Variants in NPBWR1 observed in about 807,000 individuals in gnomAD.
NPBWR1 encodes neuropeptides B and W receptor 1, also known as neuropeptides B/W receptor type 1.
Under a neutral mutation model 2.8 loss-of-function variants are expected in NPBWR1, and 4 were observed. That is an observed-to-expected ratio of 1.44 (90% CI 0.71 to 3.29). The LOEUF is 3.29. Ranked by LOEUF, NPBWR1 falls within the 30% of genes most tolerant of loss-of-function variation. The pLI is 0.01. For missense variants in NPBWR1, 545 were observed against 462.5 expected (o/e 1.18, Z -1.64); for synonymous variants, 250 against 224.5 (o/e 1.11, Z -1.02).
rs775712850 is a variant in NPBWR1 at position 52,941,107 on chromosome 8, G to A, written c.*213G>A. On this transcript the variant is annotated 3_prime_UTR_variant, in exon 2 of 2. Coordinates refer to ENST00000674939, the MANE Select transcript of NPBWR1 (RefSeq NM_005285.5). ...GTGATGCGCGGCCATGCCGGGTGAG[G>A]AGAACTGAGGCTGAGATCGCCACAC... 139 of 644,408 alleles carry A rather than the reference G, an allele frequency of 2.2e-4. No individual in the cohort carries two copies. The highest frequency in any genetic ancestry group is 3.1e-4 in the Non-Finnish European group (118 of 382,814). The allele number at this position is 644,408 out of a possible 1,614,324, so 39.9% of individuals were successfully genotyped here.
At position 52,941,785 on chromosome 8, in the gene NPBWR1, A is replaced by G. The variant is rs1434393439; in HGVS notation, c.*891A>G. On this transcript the variant is annotated 3_prime_UTR_variant, in exon 2 of 2. Coordinates refer to ENST00000674939, the MANE Select transcript of NPBWR1 (RefSeq NM_005285.5). The stretch of plus-strand genomic sequence containing the variant: ...GGCGCGCGGTTCCGGCGCCCCCTGG[A>G]GGAGCCAGCGGCCGAGTGCTTAGCG... Among the ~76,000 whole-genome samples, 1 of 152,172 alleles carries G rather than the reference A, an allele frequency of 6.6e-6. No individual in the cohort carries two copies. Among genetic ancestry groups the G allele is most frequent in the Non-Finnish European group, 1.5e-5 (1 of 68,032 alleles).
Position 52,942,890 on chromosome 8 carries a change from C to A in NPBWR1, c.*1996C>A, listed in dbSNP as rs10109844. On this transcript the variant is annotated 3_prime_UTR_variant, in exon 2 of 2. Coordinates refer to ENST00000674939, the MANE Select transcript of NPBWR1 (RefSeq NM_005285.5). The stretch of plus-strand genomic sequence containing the variant: ...CAGGCCTCTCTCTGCTGGCCGGCTT[C>A]GGAGGCTTCTTGGAATTCATTTTAA... 6.6e-6 allele frequency among the ~76,000 whole-genome samples: 1 copy of A among 152,130 alleles called. No individual in the cohort carries two copies. Among genetic ancestry groups the A allele is most frequent in the Non-Finnish European group, 1.5e-5 (1 of 68,034 alleles).
Position 52,941,923 on chromosome 8 carries a change from C to T in NPBWR1, c.*1029C>T, listed in dbSNP as rs1345924616. Among the ~76,000 whole-genome samples, 4 of 152,174 alleles carry T rather than the reference C, an allele frequency of 2.6e-5. No homozygotes were observed. Among genetic ancestry groups the T allele is most frequent in the African/African-American group, 7.2e-5 (3 of 41,428 alleles). ...GGATGCCAAGCCCCACCCCCATTCC[C>T]CCAATTGGCCTCGTCTCTTGTCTTA... On this transcript the variant is annotated 3_prime_UTR_variant, in exon 2 of 2. Coordinates refer to ENST00000674939, the MANE Select transcript of NPBWR1 (RefSeq NM_005285.5).
At position 52,943,355 on chromosome 8, in the gene NPBWR1, C is replaced by A. The variant is rs535649738; in HGVS notation, c.*2461C>A. Among the ~76,000 whole-genome samples, 2 of 152,356 alleles carry A rather than the reference C, an allele frequency of 1.3e-5. No homozygotes were observed. Among genetic ancestry groups the A allele is most frequent in the Non-Finnish European group, 2.9e-5 (2 of 68,036 alleles). On this transcript the variant is annotated 3_prime_UTR_variant, in exon 2 of 2. Coordinates refer to ENST00000674939, the MANE Select transcript of NPBWR1 (RefSeq NM_005285.5). Reference sequence around the variant, plus strand: ...TTGAGTTCCTCCTGGGCTTTCTGATCACTGGATAAACTGTTGTATCATTAT... The same window carrying A: ...TTGAGTTCCTCCTGGGCTTTCTGATAACTGGATAAACTGTTGTATCATTAT...
Position 52,940,416 on chromosome 8 carries a change from T to G in NPBWR1, c.509T>G (p.Val170Gly), listed in dbSNP as rs1390005148. The G allele has an allele frequency of 6.2e-7, 1 of 1,600,860 alleles. No individual in the cohort carries two copies. The highest frequency in any genetic ancestry group is 8.5e-7 in the Non-Finnish European group (1 of 1,178,578). Residue 170 changes from valine to glycine, a missense_variant, in exon 2 of 2, where the codon GTG (valine) becomes GGG (glycine). By Grantham distance (109) the Val-to-Gly change is moderately radical (BLOSUM62 -3). Coordinates refer to ENST00000674939, the MANE Select transcript of NPBWR1 (RefSeq NM_005285.5). ...LAVWGIVTLV[V>G]LPFAVFARLD... The stretch of plus-strand genomic sequence containing the variant: ...GTGTGGGGGATCGTCACACTCGTCG[T>G]GCTGCCCTTCGCAGTCTTCGCCCGG...
rs553484331 is a variant in NPBWR1 at position 52,940,868 on chromosome 8, C to T, written c.961C>T (p.Leu321=). Residue 321 remains leucine, a synonymous_variant, in exon 2 of 2, where the codon CTG becomes TTG. Transcript: ENST00000674939. ...CAGCTTCCGCAGGAACCTCCGCCAG[C>T]TGATAACTTGCCGCGCGGCAGCCTG... ...DASFRRNLRQ[L]ITCRAAA 3.7e-6 allele frequency: 6 copies of T among 1,608,230 alleles called. No individual in the cohort carries two copies. The African/African-American group carries it at 8.0e-5, about 21-fold the overall frequency.
At position 52,939,813 on chromosome 8, in the gene NPBWR1, G is replaced by T. The variant is rs924796438; in HGVS notation, c.-95G>T. On this transcript the variant is annotated 5_prime_UTR_variant, in exon 2 of 2. Coordinates refer to ENST00000674939, the MANE Select transcript of NPBWR1 (RefSeq NM_005285.5). ...TTGGAGAGCTGAAACGAGCGTCCGCGAGCAGGTCCGTGCAGAACCGGGCTT... is the reference window on the plus strand; with the variant it reads ...TTGGAGAGCTGAAACGAGCGTCCGCTAGCAGGTCCGTGCAGAACCGGGCTT... 20 of 1,337,962 alleles carry T rather than the reference G, an allele frequency of 1.5e-5. No homozygotes were observed. The highest frequency in any genetic ancestry group is 1.2e-4 in the Admixed American group (4 of 34,612). 82.9% of individuals were successfully genotyped at this position (1,337,962 alleles called of 1,614,324 possible). A position where few individuals can be genotyped will look rare whatever the true frequency, so the allele number is the denominator to read the frequency against.
In NPBWR1 at chr8:52,942,983, C is replaced by A. The variant is rs1482800953; in HGVS notation, c.*2089C>A. ...AACTCTCAAAATTATCTCATGAATC[C>A]TCTGTAACTTTTCAAAATTAAAGTT... On this transcript the variant is annotated 3_prime_UTR_variant, in exon 2 of 2. Transcript: ENST00000674939. Among the ~76,000 whole-genome samples the A allele has an allele frequency of 6.6e-6, 1 of 152,110 alleles. No individual in the cohort carries two copies. Among genetic ancestry groups the A allele is most frequent in the Non-Finnish European group, 1.5e-5 (1 of 68,028 alleles).
rs768759444 is a variant in NPBWR1 at position 52,940,524 on chromosome 8, A to C, written c.617A>C (p.Tyr206Ser). The change falls in exon 2 of 2, where the codon TAC becomes TCC. Residue 206 changes from tyrosine to serine, a missense_variant. Tyr to Ser is a moderately radical substitution (Grantham distance 144). Coordinates refer to ENST00000674939, the MANE Select transcript of NPBWR1 (RefSeq NM_005285.5). ...TTCTGGTGGCGCGCGAGCCGCCTCT[A>C]CACGCTCGTGCTGGGCTTCGCCATC... is the stretch of plus-strand genomic sequence containing the variant. The part of the protein sequence containing the change: ...EAFWWRASRL[Y>S]TLVLGFAIPV... 1 of 1,593,808 alleles carries C rather than the reference A, an allele frequency of 6.3e-7. No individual in the cohort carries two copies. The highest frequency in any genetic ancestry group is 8.5e-7 in the Non-Finnish European group (1 of 1,173,686).
At position 52,940,900 on chromosome 8, in the gene NPBWR1, C is replaced by T. The variant is rs985467278; in HGVS notation, c.*6C>T. On this transcript the variant is annotated 3_prime_UTR_variant, in exon 2 of 2. Transcript: ENST00000674939. ...CTTGCCGCGCGGCAGCCTGACTCCC[C>T]CAGCGTCCGGCTCCGCAACTGCCCG... The T allele has an allele frequency of 6.3e-7, 1 of 1,584,870 alleles. No individual in the cohort carries two copies. Among genetic ancestry groups the T allele is most frequent in the Non-Finnish European group, 8.6e-7 (1 of 1,167,064 alleles).
rs754442121 is a variant in NPBWR1, at chr8:52,940,566, G to A, written c.659G>A (p.Cys220Tyr). Residue 220 changes from cysteine to tyrosine, a missense_variant, in exon 2 of 2, where the codon TGT (cysteine) becomes TAT (tyrosine). By Grantham distance (194) the Cys-to-Tyr change is radical. Coordinates refer to ENST00000674939, the MANE Select transcript of NPBWR1 (RefSeq NM_005285.5). ...LGFAIPVSTICVLYTTLLCRL... is the reference protein window; with the variant it reads ...LGFAIPVSTIYVLYTTLLCRL... ...TTCGCCATCCCCGTGTCCACCATCTGTGTCCTCTATACCACCCTGCTGTGC... is the reference window on the plus strand; with the variant it reads ...TTCGCCATCCCCGTGTCCACCATCTATGTCCTCTATACCACCCTGCTGTGC... 8.3e-5 allele frequency: 132 copies of A among 1,599,608 alleles called. No homozygotes were observed. The highest frequency in any genetic ancestry group is 1.1e-4 in the Non-Finnish European group (128 of 1,175,352).
chr8:52,940,940 C>A lies in NPBWR1; in HGVS notation c.*46C>A, dbSNP rs1563548649. Reference sequence around the variant, plus strand: ...GCAACTGCCCGCCACTCCTGGCCAGCGAGGGAGGAGCCGGCGCCAGAGTGC... The same window carrying A: ...GCAACTGCCCGCCACTCCTGGCCAGAGAGGGAGGAGCCGGCGCCAGAGTGC... On this transcript the variant is annotated 3_prime_UTR_variant, in exon 2 of 2. Transcript: ENST00000674939. 3.9e-6 allele frequency: 6 copies of A among 1,546,078 alleles called. No homozygotes were observed. In the South Asian group the frequency reaches 6.2e-5, roughly 16 times the overall value.
rs767786825 is a variant in NPBWR1 at position 52,940,277 on chromosome 8, C to T, written c.370C>T (p.Leu124Phe). ...AIDQYNTFSS[L>F]YFLTVMSADR... ...CGACCAGTACAACACCTTCTCCAGC[C>T]TCTACTTCCTCACCGTCATGAGCGC... Residue 124 changes from leucine (L) to phenylalanine (F), a missense_variant, in exon 2 of 2, where the codon CTC becomes TTC. Coordinates refer to ENST00000674939, the MANE Select transcript of NPBWR1 (RefSeq NM_005285.5). The T allele has an allele frequency of 3.7e-6, 6 of 1,613,340 alleles. No homozygotes were observed. Among genetic ancestry groups the T allele is most frequent in the Admixed American group, 1.7e-5 (1 of 60,012 alleles).
rs373362045 is a variant in NPBWR1, at chr8:52,940,652, G to T, written c.745G>T (p.Val249Leu). 1 of 1,611,298 alleles carries T rather than the reference G, an allele frequency of 6.2e-7. No homozygotes were observed. Among genetic ancestry groups the T allele is most frequent in the African/African-American group, 1.3e-5 (1 of 74,936 alleles). The change falls in exon 2 of 2, where the codon GTG becomes TTG. Residue 249 changes from valine (V) to leucine (L), a missense_variant. Coordinates refer to ENST00000674939, the MANE Select transcript of NPBWR1 (RefSeq NM_005285.5). The part of the protein sequence containing the change: ...AKALERAKKR[V>L]TFLVVAILAV... ...GGCCCTGGAGCGCGCCAAGAAGCGG[G>T]TGACCTTCCTGGTGGTGGCAATCCT... is the stretch of plus-strand genomic sequence containing the variant.
rs536725010 is a variant in NPBWR1 at position 52,941,843 on chromosome 8, T to A, written c.*949T>A. On this transcript the variant is annotated 3_prime_UTR_variant, in exon 2 of 2. Coordinates refer to ENST00000674939, the MANE Select transcript of NPBWR1 (RefSeq NM_005285.5). ...ATCGCGGGGCTTTGTGGTGGAGCAC[T>A]CCGGCTGAGCGCGCTTCACAGCGCT... Among the ~76,000 whole-genome samples, 1 of 152,316 alleles carries A rather than the reference T, an allele frequency of 6.6e-6. No homozygotes were observed. Among genetic ancestry groups the A allele is most frequent in the East Asian group, 1.9e-4 (1 of 5,148 alleles).
chr8:52,940,412 G>A lies in NPBWR1; in HGVS notation c.505G>A (p.Val169Ile), dbSNP rs375959501. Residue 169 changes from valine (V) to isoleucine (I), a missense_variant, in exon 2 of 2, where the codon GTC becomes ATC. Val to Ile is a conservative substitution (Grantham distance 29). Transcript: ENST00000674939. Reference protein sequence around the residue: ...SLAVWGIVTLVVLPFAVFARL... With the variant: ...SLAVWGIVTLIVLPFAVFARL... Reference sequence around the variant, plus strand: ...GGCCGTGTGGGGGATCGTCACACTCGTCGTGCTGCCCTTCGCAGTCTTCGC... The same window carrying A: ...GGCCGTGTGGGGGATCGTCACACTCATCGTGCTGCCCTTCGCAGTCTTCGC... 8 of 1,601,012 alleles carry A rather than the reference G, an allele frequency of 5.0e-6. No homozygotes were observed. The highest frequency in any genetic ancestry group is 3.3e-5 in the South Asian group (3 of 90,620).
chr8:52,940,890 C>A lies in NPBWR1; in HGVS notation c.983C>A (p.Ala328Asp). 1 of 1,595,340 alleles carries A rather than the reference C, an allele frequency of 6.3e-7. No homozygotes were observed. Among genetic ancestry groups the A allele is most frequent in the South Asian group, 1.1e-5 (1 of 88,452 alleles). The change falls in exon 2 of 2, where the codon GCC (alanine) becomes GAC (aspartate). Residue 328 changes from alanine (A) to aspartate (D), a missense_variant. Ala to Asp is a moderately radical substitution (Grantham distance 126). Transcript: ENST00000674939. ...CAGCTGATAACTTGCCGCGCGGCAGCCTGACTCCCCCAGCGTCCGGCTCCG... is the reference window on the plus strand; with the variant it reads ...CAGCTGATAACTTGCCGCGCGGCAGACTGACTCCCCCAGCGTCCGGCTCCG... ...LRQLITCRAA[A>D]
In NPBWR1 at chr8:52,940,465, C is replaced by A. The variant is rs1190694492; in HGVS notation, c.558C>A (p.Arg186=). 2 of 1,587,026 alleles carry A rather than the reference C, an allele frequency of 1.3e-6. No homozygotes were observed. Among genetic ancestry groups the A allele is most frequent in the Middle Eastern group, 1.7e-4 (1 of 6,048 alleles). ...GGCTAGACGACGAGCAGGGCCGGCG[C>A]CAGTGCGTGCTAGTCTTTCCGCAGC... ...FARLDDEQGR[R]QCVLVFPQPE... is the part of the protein sequence containing the mutation. The change falls in exon 2 of 2, where the codon CGC becomes CGA. Residue 186 remains arginine, a synonymous_variant. Coordinates refer to ENST00000674939, the MANE Select transcript of NPBWR1 (RefSeq NM_005285.5).
chr8:52,943,642 T>G lies in NPBWR1; in HGVS notation c.*2748T>G, dbSNP rs1222106767. 6.6e-6 allele frequency among the ~76,000 whole-genome samples: 1 copy of G among 152,260 alleles called. No homozygotes were observed. The highest frequency in any genetic ancestry group is 1.5e-5 in the Non-Finnish European group (1 of 68,050). ...ATTTAGTGCAGTTATGTAATGTGTA[T>G]GCTTATGTTTTCTCTTGACAAACGC... On this transcript the variant is annotated 3_prime_UTR_variant, in exon 2 of 2. Coordinates refer to ENST00000674939, the MANE Select transcript of NPBWR1 (RefSeq NM_005285.5).
Sources: gnomAD v4.1 joint callset for allele counts (sites outside exome capture counted in the v4.1 genomes callset) on GRCh38, gnomAD v4.1.1 for gene constraint, MANE v1.5 for transcripts, NCBI Gene and HGNC (gene_info 2026-07-23, HGNC 2026-07-21) for gene names.